DLG2: variants seen among roughly 807,000 people sequenced by gnomAD.
The protein encoded by DLG2 is discs large MAGUK scaffold protein 2.
In DLG2, 45 loss-of-function variants were observed where a neutral mutation model predicts 132.5. That is an observed-to-expected ratio of 0.34 (90% CI 0.27 to 0.44). The LOEUF (loss-of-function observed/expected upper bound fraction) is 0.44. DLG2 is among the 20% of genes least tolerant of loss of function. DLG2 has a pLI of 1.00. For synonymous variants in DLG2, 424 were observed against 419.6 expected, an observed-to-expected ratio of 1.01 and a Z score of -0.13; for missense variants, 1,045 against 1,196.9, an observed-to-expected ratio of 0.87 and a Z score of 1.87.
chr11:84,154,915 G>A (rs551665479), intron 9 of DLG2, among the ~76,000 whole-genome samples: 5 of 152,182 alleles, frequency 3.3e-5, no homozygotes, highest in Admixed American at 3.3e-4. Flanking sequence ...TTGACAAATG[G>A]TATCTAATTA....
intron 16 of DLG2, among the ~76,000 whole-genome samples, chr11:83,851,856 T>C (rs1595449911): frequency 6.6e-6 from 1 of 151,210 alleles, no homozygotes; most frequent in South Asian, 2.1e-4. Context: ...GAGGCGGAGA[T>C]TGCAGTCAGC....
chr11:83,762,201 A>G (rs115591451), intron 18 of DLG2, among the ~76,000 whole-genome samples: 1,662 of 151,868 alleles, frequency 0.011, 31 homozygotes, highest in African/African-American at 0.038. Context: ...GCCCTGCCAA[A>G]TTAAATGTCT....
intron 4 of DLG2, among the ~76,000 whole-genome samples, chr11:85,263,155 G>A (rs1159370561): frequency 2.0e-5 from 3 of 152,146 alleles, no homozygotes; most frequent in Non-Finnish European, 4.4e-5. Flanking sequence ...CTGGCACTAG[G>A]GCCTTACACT....
intron 11 of DLG2, among the ~76,000 whole-genome samples, chr11:84,026,011 A>T (rs929763187): frequency 2.6e-5 from 4 of 152,140 alleles, no homozygotes; most frequent in South Asian, 2.1e-4. Context: ...CTTAAAAAAA[A>T]TTATTTCCAG....
At chr11:83,881,910 TA>T (rs941472675) in intron 15 of DLG2, among the ~76,000 whole-genome samples, 8 of 151,984 alleles carry the variant, frequency 5.3e-5, no homozygotes, top group Non-Finnish European at 1.0e-4. Flanking sequence ...CTTGAAAATC[TA>T]AAAAAAAGTA....
intron 14 of DLG2, among the ~76,000 whole-genome samples, chr11:83,933,091 C>T (rs969454689): frequency 2.6e-5 from 4 of 152,290 alleles, no homozygotes; most frequent in Admixed American, 2.0e-4. Context: ...TTCTGTGTGA[C>T]CTCTGCCCAT....
intron 11 of DLG2, among the ~76,000 whole-genome samples, chr11:84,032,985 A>C (rs1452790725): frequency 6.6e-6 from 1 of 152,180 alleles, no homozygotes; most frequent in African/African-American, 2.4e-5. Context: ...CTGGTCAGAA[A>C]AAAAGATTTC....
chr11:84,534,650 C>T lies in DLG2; in HGVS notation c.439G>A (p.Val147Met), dbSNP rs755107321. The change falls in exon 7 of 28, where the codon GTG becomes ATG. Residue 147 changes from valine (V) to methionine (M), a missense_variant. By Grantham distance (21) the Val-to-Met change is conservative (BLOSUM62 1). Transcript: ENST00000376104. ...GAGAGGTTCTTTTCTGATACATGCA[C>T]GAGTTCTGGGCCTCTTACTTCGTGG... ...LTHEVRGPEL[V>M]HVSEKNLSQI... The T allele has an allele frequency of 3.4e-5, 55 of 1,613,812 alleles. No homozygotes were observed. The highest frequency in any genetic ancestry group is 5.0e-5 in the Admixed American group (3 of 59,988).
At chr11:85,614,182 A>G (rs1312887612) in intron 2 of DLG2, among the ~76,000 whole-genome samples, 3 of 152,246 alleles carry the variant, frequency 2.0e-5, no homozygotes, top group African/African-American at 7.2e-5. Flanking sequence ...TTCCAGACAC[A>G]AAAGTATTTT....
chr11:83,868,187 T>C (rs942183818), intron 16 of DLG2, among the ~76,000 whole-genome samples: 5 of 152,142 alleles, frequency 3.3e-5, no homozygotes, highest in Admixed American at 6.6e-5. Flanking sequence ...CACCCAGGGA[T>C]GGAAGGAAGG....
chr11:85,018,498 T>C (rs753920128), intron 6 of DLG2, among the ~76,000 whole-genome samples: 24 of 152,306 alleles, frequency 1.6e-4, no homozygotes, highest in Non-Finnish European at 2.6e-4. Flanking sequence ...CTACTCTGTA[T>C]CCCTATCAAA....
chr11:84,619,641 C>G (rs555161216), intron 6 of DLG2, among the ~76,000 whole-genome samples: 2 of 151,406 alleles, frequency 1.3e-5, no homozygotes, highest in East Asian at 3.9e-4. Flanking sequence ...TCATGATCAT[C>G]TCAACAAATA....
At chr11:85,607,278 AG>A (rs2153259918) in intron 2 of DLG2, among the ~76,000 whole-genome samples, 2 of 152,226 alleles carry the variant, frequency 1.3e-5, no homozygotes, top group South Asian at 4.1e-4. Context: ...CAGAGTTGGG[AG>A]CATTGGTTTG....
In DLG2 at chr11:83,880,084, G is replaced by A. The variant is rs548515680; in HGVS notation, c.1497-5596C>T. Among the ~76,000 whole-genome samples, 9 of 152,268 alleles carry A rather than the reference G, an allele frequency of 5.9e-5. No homozygotes were observed. The South Asian group carries it at 1.9e-3, about 32-fold the overall frequency. ...AGTGTCTTGGCTTGGCCAGAGCAGA[G>A]TGGCCAGGGGTAAGGTCAGGAAGCT... is the stretch of plus-strand genomic sequence containing the variant. On this transcript the variant is annotated intron_variant, in intron 15 of 27. Transcript: ENST00000376104.
intron 4 of DLG2, among the ~76,000 whole-genome samples, chr11:85,235,676 A>G (rs898407247): frequency 6.6e-6 from 1 of 151,986 alleles, no homozygotes; most frequent in South Asian, 2.1e-4. Context: ...CAATATAAGT[A>G]AGTTGACATA....
At position 84,339,353 on chromosome 11, in the gene DLG2, C is replaced by T. The variant is rs993433500; in HGVS notation, c.520-88062G>A. 5.3e-5 allele frequency among the ~76,000 whole-genome samples: 8 copies of T among 152,180 alleles called. No individual in the cohort carries two copies. The South Asian group carries it at 1.2e-3, about 24-fold the overall frequency. On this transcript the variant is annotated intron_variant, in intron 7 of 27. Coordinates refer to ENST00000376104, the MANE Select transcript of DLG2 (RefSeq NM_001142699.3). Reference sequence around the variant, plus strand: ...CTCAACATAACATTTTGAAGTAGACCGTGTTCATCATTTCCATCTTATAGT... The same window carrying T: ...CTCAACATAACATTTTGAAGTAGACTGTGTTCATCATTTCCATCTTATAGT...
chr11:85,414,810 A>T (rs2089671615), intron 3 of DLG2, among the ~76,000 whole-genome samples: 3 of 151,866 alleles, frequency 2.0e-5, no homozygotes, highest in Admixed American at 2.0e-4. Flanking sequence ...TATGATTGTG[A>T]CATTTTCCTG....
chr11:85,309,115 G>T (rs1017704416), intron 3 of DLG2, among the ~76,000 whole-genome samples: 7 of 151,990 alleles, frequency 4.6e-5, no homozygotes, highest in Non-Finnish European at 8.8e-5. Context: ...AACATAAAAA[G>T]GACATGCCCA....
intron 6 of DLG2, among the ~76,000 whole-genome samples, chr11:84,612,713 GTAA>G (rs1278433572): frequency 2.0e-5 from 3 of 151,986 alleles, no homozygotes; most frequent in African/African-American, 7.2e-5. Flanking sequence ...TTAAAAAGAA[GTAA>G]TAATATTTGT....
Sources: allele counts gnomAD v4.1 joint callset (sites outside exome capture counted in the v4.1 genomes callset), GRCh38; gene constraint gnomAD v4.1.1; transcripts MANE v1.5; gene names NCBI Gene and HGNC (gene_info 2026-07-23, HGNC 2026-07-21).